The following RTL4 variants were observed in gnomAD, a reference collection of about 807,000 sequenced individuals.
The protein encoded by RTL4 is retrotransposon Gag like 4, also known as retrotransposon Gag-like protein 4.
In RTL4, 4 loss-of-function variants were observed where a neutral mutation model predicts 5.3. The observed-to-expected ratio is 0.75, with a 90% CI of 0.37 to 1.72. The LOEUF is 1.72. Among genes scored for constraint, RTL4 ranks in the 40% most tolerant of loss-of-function variants. RTL4 has a pLI of 0.04. For synonymous variants in RTL4, 98 were observed against 87.3 expected (o/e 1.12, Z -0.68); for missense variants, 260 against 227.1 (o/e 1.14, Z -0.93).
the RTL4 span, among the ~76,000 whole-genome samples, chrX:112,091,084 A>C: frequency 9.0e-6 from 1 of 110,651 alleles, no homozygotes; most frequent in Non-Finnish European, 1.9e-5. Flanking sequence ...TATTTCTTTA[A>C]TATTGGCAGT....
the RTL4 span, among the ~76,000 whole-genome samples, chrX:112,393,730 C>T: frequency 8.9e-6 from 1 of 111,906 alleles, no homozygotes; most frequent in African/African-American, 3.2e-5. Context: ...GTGGGAGCTC[C>T]GTCTCAGGGA....
the RTL4 span, among the ~76,000 whole-genome samples, chrX:112,130,791 GT>G: frequency 2.3e-3 from 205 of 88,884 alleles, 1 homozygote; most frequent in South Asian, 0.02. Context: ...ATGGGTGTGG[GT>G]TTTTTTTTTT....
At chrX:112,234,960 G>T in the RTL4 span, among the ~76,000 whole-genome samples, 1 of 111,392 alleles carries the variant, frequency 9.0e-6, no homozygotes, top group Non-Finnish European at 1.9e-5. Flanking sequence ...TATCAAGTGG[G>T]AGGGTAGATT....
At chrX:112,323,944 A>G in the RTL4 span, among the ~76,000 whole-genome samples, 3 of 112,304 alleles carry the variant, frequency 2.7e-5, no homozygotes, top group African/African-American at 9.7e-5. Context: ...TATAATTAAC[A>G]TACCAGAAAA....
the RTL4 span, among the ~76,000 whole-genome samples, chrX:112,247,342 C>T: frequency 5.4e-5 from 6 of 111,686 alleles, no homozygotes; most frequent in Non-Finnish European, 1.1e-4. Context: ...TACAAAATGA[C>T]GTTTTATCTC....
chrX:112,308,125 A>G, the RTL4 span, among the ~76,000 whole-genome samples: 1 of 111,422 alleles, frequency 9.0e-6, no homozygotes, highest in Non-Finnish European at 1.9e-5. Flanking sequence ...AAATCATGCC[A>G]CTTTCTGGGG....
chrX:112,331,329 C>T, the RTL4 span, among the ~76,000 whole-genome samples: 1 of 106,110 alleles, frequency 9.4e-6, no homozygotes, highest in East Asian at 3.0e-4. Context: ...CAAACAACCC[C>T]ATCAAAAAGT....
chrX:112,430,381 T>G, the RTL4 span, among the ~76,000 whole-genome samples: 1 of 111,774 alleles, frequency 8.9e-6, no homozygotes, highest in East Asian at 2.8e-4. Flanking sequence ...CAGCGTTTTT[T>G]ATATATGGCA....
the RTL4 span, among the ~76,000 whole-genome samples, chrX:112,356,093 T>C: frequency 9.0e-6 from 1 of 111,449 alleles, no homozygotes; most frequent in African/African-American, 3.3e-5. Context: ...CACACAGAGT[T>C]CATTTATTGA....
chrX:112,132,857 C>T, the RTL4 span, among the ~76,000 whole-genome samples: 1 of 112,470 alleles, frequency 8.9e-6, no homozygotes, highest in Non-Finnish European at 1.9e-5. Flanking sequence ...TCCAACATGG[C>T]ATTACATTCT....
the RTL4 span, among the ~76,000 whole-genome samples, chrX:112,178,679 C>G: frequency 8.9e-6 from 1 of 111,830 alleles, no homozygotes; most frequent in Admixed American, 9.5e-5. Context: ...ATGATTATCT[C>G]ATCTGTGATA....
chrX:112,286,510 A>G, the RTL4 span, among the ~76,000 whole-genome samples: 1 of 111,719 alleles, frequency 9.0e-6, no homozygotes, highest in East Asian at 2.8e-4. Context: ...GTGGAAGCAC[A>G]GAGATCAATC....
the RTL4 span, among the ~76,000 whole-genome samples, chrX:112,145,484 TTTCTC>T: frequency 4.5e-5 from 5 of 111,314 alleles, no homozygotes; most frequent in East Asian, 2.8e-4. Flanking sequence ...CTAAGTTTCT[TTTCTC>T]TTTCTTGTAT....
At chrX:112,394,691 CAGG>C in the RTL4 span, among the ~76,000 whole-genome samples, 2 of 111,671 alleles carry the variant, frequency 1.8e-5, no homozygotes, top group African/African-American at 6.5e-5. Flanking sequence ...AGATATTTTG[CAGG>C]AGATAATTTT....
At chrX:112,269,983 G>A in the RTL4 span, among the ~76,000 whole-genome samples, 7 of 112,298 alleles carry the variant, frequency 6.2e-5, no homozygotes, top group Non-Finnish European at 9.4e-5. Flanking sequence ...GATTAATTAT[G>A]GAGAAGGATA....
At chrX:112,412,146 A>T in the RTL4 span, among the ~76,000 whole-genome samples, 2 of 111,739 alleles carry the variant, frequency 1.8e-5, no homozygotes, top group Non-Finnish European at 3.8e-5. Context: ...ACATAACTAA[A>T]GTAGTGAAAG....
chrX:112,095,634 C>G, the RTL4 span, among the ~76,000 whole-genome samples: 1 of 110,785 alleles, frequency 9.0e-6, no homozygotes, highest in South Asian at 3.9e-4. Context: ...GATGGAAGAG[C>G]CTCATTGTCT....
the RTL4 span, among the ~76,000 whole-genome samples, chrX:112,157,064 TTGTGTGTG>T: frequency 2.5e-4 from 24 of 96,578 alleles, no homozygotes; most frequent in Admixed American, 8.0e-4. Context: ...GTTATACTGT[TTGTGTGTG>T]TGTGTGTGTG....
chrX:112,203,802 A>G, the RTL4 span, among the ~76,000 whole-genome samples: 25 of 112,455 alleles, frequency 2.2e-4, no homozygotes, highest in Non-Finnish European at 1.5e-4. Flanking sequence ...TAATTTTGCT[A>G]GGATTTTGAT....
Sources: gnomAD v4.1 joint callset for allele counts (sites outside exome capture counted in the v4.1 genomes callset) on GRCh38, gnomAD v4.1.1 for gene constraint, MANE v1.5 for transcripts, NCBI Gene and HGNC (gene_info 2026-07-23, HGNC 2026-07-21) for gene names.